The following TMPRSS11A variants were observed in gnomAD, a reference collection of about 807,000 sequenced individuals.
The protein encoded by TMPRSS11A is transmembrane protease serine 11A.
In TMPRSS11A, 53 loss-of-function variants were observed where a neutral mutation model predicts 58.9. That is an observed-to-expected ratio of 0.90 (90% CI 0.72 to 1.13). TMPRSS11A has a LOEUF of 1.13. TMPRSS11A is among the 50% of genes most tolerant of loss of function. TMPRSS11A has a pLI of 0.00. For synonymous variants in TMPRSS11A, 167 were observed against 169.8 expected (o/e 0.98, Z 0.13); for missense variants, 493 against 499.3 (o/e 0.99, Z 0.12).
chr4:67,933,327 C>T (rs534072770), intron 3 of TMPRSS11A, among the ~76,000 whole-genome samples: 5 of 152,158 alleles, frequency 3.3e-5, no homozygotes, highest in East Asian at 3.8e-4. Flanking sequence ...CCTGGCATCA[C>T]GCAGATACTA....
At chr4:67,937,373 A>G (rs531688040) in intron 3 of TMPRSS11A, among the ~76,000 whole-genome samples, 1 of 152,346 alleles carries the variant, frequency 6.6e-6, no homozygotes, top group South Asian at 2.1e-4. Context: ...TGAGAAAGAG[A>G]ATATTTTTCT....
Position 67,911,511 on chromosome 4 carries a change from T to A in TMPRSS11A, c.1096-8A>T, listed in dbSNP as rs778372156. ...AGGTCCCCCAGAATCACCCTAAAAA[T>A]AAAAACATAAGAAAAAAGAAAGAAA... On this transcript the variant is annotated splice_region_variant and splice_polypyrimidine_tract_variant and intron_variant, in intron 9 of 9. Coordinates refer to ENST00000508048, the MANE Select transcript of TMPRSS11A (RefSeq NM_001114387.2). 1.3e-6 allele frequency: 2 copies of A among 1,594,608 alleles called. No homozygotes were observed.
intron 8 of TMPRSS11A, among the ~76,000 whole-genome samples, chr4:67,916,433 TTATTC>T (rs1190856686): frequency 6.6e-6 from 1 of 151,662 alleles, no homozygotes; most frequent in Non-Finnish European, 1.5e-5. Flanking sequence ...ATTTTTCAAA[TTATTC>T]TGTTATTTGA....
Position 67,911,383 on chromosome 4 carries a change from T to A in TMPRSS11A, c.1216A>T (p.Thr406Ser). The A allele has an allele frequency of 6.2e-7, 1 of 1,613,426 alleles. No homozygotes were observed. Among genetic ancestry groups the A allele is most frequent in the Non-Finnish European group, 8.5e-7 (1 of 1,179,574 alleles). The part of the protein sequence containing the change: ...KDKPGVYTQV[T>S]YYRNWIASKT... ...GAAGCAATCCAGTTTCGGTAATAAG[T>A]CACTTGTGTGTAGACTCCAGGCTTG... Residue 406 changes from threonine to serine, a missense_variant, in exon 10 of 10, where the codon ACT becomes TCT. Transcript: ENST00000508048.
chr4:67,952,875 G>A (rs10016800), intron 1 of TMPRSS11A, among the ~76,000 whole-genome samples: 152,083 of 152,278 alleles, frequency 1, 75,945 homozygotes, highest in Middle Eastern at 1. Context: ...AGTGGAGGGA[G>A]GAGAGGTTTC....
chr4:67,929,358 T>A (rs1720552182), intron 5 of TMPRSS11A, among the ~76,000 whole-genome samples: 1 of 152,186 alleles, frequency 6.6e-6, no homozygotes, highest in South Asian at 2.1e-4. Flanking sequence ...GTTTCAGTGA[T>A]GTTTTCCTAG....
intron 3 of TMPRSS11A, among the ~76,000 whole-genome samples, chr4:67,940,897 T>G (rs1720866059): frequency 6.6e-6 from 1 of 152,234 alleles, no homozygotes; most frequent in African/African-American, 2.4e-5. Context: ...CTTAGGCAGC[T>G]TATTCAGCAT....
At chr4:67,912,943 G>A (rs552383740) in intron 9 of TMPRSS11A, among the ~76,000 whole-genome samples, 2 of 152,066 alleles carry the variant, frequency 1.3e-5, no homozygotes, top group Admixed American at 1.3e-4. Context: ...GATCTCCTGA[G>A]CTTATCCTCT....
chr4:67,913,641 G>C (rs1407810039), intron 9 of TMPRSS11A, among the ~76,000 whole-genome samples: 1 of 152,100 alleles, frequency 6.6e-6, no homozygotes, highest in Non-Finnish European at 1.5e-5. Context: ...CCGTGGTATG[G>C]ACCTTTTGTT....
rs1321698259 is a variant in TMPRSS11A at position 67,910,999 on chromosome 4, G to C, written c.*343C>G. ...CTTTGTGAGTTCAAAAAGTTTCTCA[G>C]TTAAAAGGAGACCCTTGACAACGAC... On this transcript the variant is annotated 3_prime_UTR_variant, in exon 10 of 10. Transcript: ENST00000508048. 3 of 172,904 alleles carry C rather than the reference G, an allele frequency of 1.7e-5. No homozygotes were observed. Among genetic ancestry groups the C allele is most frequent in the Non-Finnish European group, 3.7e-5 (3 of 82,016 alleles). The allele number at this position is 172,904 out of a possible 1,614,324, so 10.7% of individuals were successfully genotyped here.
At chr4:67,937,235 C>T (rs1262946987) in intron 3 of TMPRSS11A, among the ~76,000 whole-genome samples, 1 of 152,164 alleles carries the variant, frequency 6.6e-6, no homozygotes, top group Non-Finnish European at 1.5e-5. Flanking sequence ...CCACACCTTT[C>T]TTCCAACTAT....
chr4:67,939,143 G>A (rs934110365), intron 3 of TMPRSS11A, among the ~76,000 whole-genome samples: 2 of 139,956 alleles, frequency 1.4e-5, no homozygotes, highest in African/African-American at 2.8e-5. Flanking sequence ...TTGGTTAGAT[G>A]TATTCCTAGG....
intron 3 of TMPRSS11A, among the ~76,000 whole-genome samples, chr4:67,935,976 C>T (rs1029948497): frequency 2.0e-5 from 3 of 152,088 alleles, no homozygotes; most frequent in East Asian, 1.9e-4. Flanking sequence ...TGTGTTTGAG[C>T]TCATTTGCTT....
chr4:67,947,739 T>C (rs925842102), intron 1 of TMPRSS11A, among the ~76,000 whole-genome samples: 17 of 152,236 alleles, frequency 1.1e-4, no homozygotes, highest in Non-Finnish European at 2.9e-5. Context: ...TCACATTGAA[T>C]CAAGTATTAG....
chr4:67,953,822 A>G (rs975784919), intron 1 of TMPRSS11A, among the ~76,000 whole-genome samples: 2 of 152,014 alleles, frequency 1.3e-5, no homozygotes, highest in African/African-American at 4.8e-5. Flanking sequence ...ATTTCTTGGG[A>G]TCCTTCTGTT....
chr4:67,920,082 A>T (rs1246615361), intron 7 of TMPRSS11A, among the ~76,000 whole-genome samples: 1 of 152,194 alleles, frequency 6.6e-6, no homozygotes, highest in East Asian at 1.9e-4. Flanking sequence ...AGATGACTGC[A>T]TAGTCCTTTG....
chr4:67,949,284 C>T (rs1156595037), intron 1 of TMPRSS11A, among the ~76,000 whole-genome samples: 4 of 152,012 alleles, frequency 2.6e-5, no homozygotes, highest in Non-Finnish European at 4.4e-5. Flanking sequence ...GTTCAATACC[C>T]ATTGACATAC....
At chr4:67,926,939 C>A (rs977812899) in intron 5 of TMPRSS11A, among the ~76,000 whole-genome samples, 1 of 151,968 alleles carries the variant, frequency 6.6e-6, no homozygotes. Flanking sequence ...AAGCTGAACA[C>A]TCAACAGGAC....
In TMPRSS11A at chr4:67,946,550, T is replaced by A. The variant is rs1222777130; in HGVS notation, c.33A>T (p.Arg11=). The A allele has an allele frequency of 6.2e-7, 1 of 1,611,354 alleles. No individual in the cohort carries two copies. The highest frequency in any genetic ancestry group is 8.5e-7 in the Non-Finnish European group (1 of 1,178,840). ...TCATCCATGGCTTCAGATTTCTGCT[T>A]CGGGTGCCAAATCCCACTGTCCTGA... is the stretch of plus-strand genomic sequence containing the variant. MMYRTVGFGT[R]SRNLKPWMIA... The change falls in exon 2 of 10, where the codon CGA becomes CGT. Residue 11 remains arginine (R), a synonymous_variant. Transcript: ENST00000508048.
Sources: gnomAD v4.1 joint callset for allele counts (sites outside exome capture counted in the v4.1 genomes callset) on GRCh38, gnomAD v4.1.1 for gene constraint, MANE v1.5 for transcripts, NCBI Gene and HGNC (gene_info 2026-07-23, HGNC 2026-07-21) for gene names.